The following SUGCT variants were observed in gnomAD, a reference collection of about 807,000 sequenced individuals.
The protein encoded by SUGCT is succinyl-CoA:glutarate CoA-transferase.
In SUGCT, 41 loss-of-function variants were observed where a neutral mutation model predicts 55.0. That is an observed-to-expected ratio of 0.74 (90% CI 0.58 to 0.97). The LOEUF is 0.97. Among genes scored for constraint, SUGCT ranks in the 50% least tolerant of loss-of-function variants. The pLI is 0.00. For missense variants in SUGCT, 568 were observed against 547.8 expected, an observed-to-expected ratio of 1.04 and a Z score of -0.37; for synonymous variants, 187 against 200.4, an observed-to-expected ratio of 0.93 and a Z score of 0.56.
intron 12 of SUGCT, among the ~76,000 whole-genome samples, chr7:40,577,414 A>ATT (rs879543359): frequency 6.9e-6 from 1 of 145,562 alleles, no homozygotes; most frequent in Non-Finnish European, 1.5e-5. Context: ...ATTTTCCTGG[A>ATT]TTTTTTTTTT....
the SUGCT span, among the ~76,000 whole-genome samples, chr7:40,872,082 G>A: frequency 6.6e-6 from 1 of 152,072 alleles, no homozygotes; most frequent in African/African-American, 2.4e-5. Context: ...GGGGATAGTG[G>A]GTACTGATAA....
At chr7:40,399,266 A>AAAAAAATGTTGGAAGGAAAGAAATT (rs1207346373) in intron 9 of SUGCT, among the ~76,000 whole-genome samples, 1 of 152,138 alleles carries the variant, frequency 6.6e-6, no homozygotes, top group Admixed American at 6.5e-5. Context: ...AAGCCAAGGA[A>AAAAAAATGTTGGAAGGAAAGAAATT]AAAAAATGTT....
the SUGCT span, among the ~76,000 whole-genome samples, chr7:41,017,000 C>T: frequency 6.6e-5 from 10 of 152,196 alleles, no homozygotes; most frequent in Admixed American, 1.3e-4. Context: ...AAGATCATTA[C>T]GCTTGAATGT....
At chr7:40,643,819 C>T (rs1319741083) in intron 12 of SUGCT, among the ~76,000 whole-genome samples, 1 of 152,210 alleles carries the variant, frequency 6.6e-6, no homozygotes, top group African/African-American at 2.4e-5. Context: ...CTGCCAGCCC[C>T]CTCCCAAAGG....
At chr7:40,680,885 C>T (rs1584263473) in intron 12 of SUGCT, among the ~76,000 whole-genome samples, 1 of 152,092 alleles carries the variant, frequency 6.6e-6, no homozygotes, top group African/African-American at 2.4e-5. Flanking sequence ...TGAGATGAAG[C>T]ACCATGTCCA....
At chr7:40,334,186 A>G (rs182747753) in intron 9 of SUGCT, among the ~76,000 whole-genome samples, 81 of 152,184 alleles carry the variant, frequency 5.3e-4, no homozygotes, top group African/African-American at 1.8e-3. Flanking sequence ...AGTCTTTGCT[A>G]TTGTGAATAG....
At chr7:40,484,546 A>G (rs190003685) in intron 11 of SUGCT, among the ~76,000 whole-genome samples, 87 of 152,272 alleles carry the variant, frequency 5.7e-4, no homozygotes, top group African/African-American at 2.0e-3. Context: ...AGTCTACCCT[A>G]CTGAATGAAC....
At chr7:40,254,453 A>G (rs936411119) in intron 7 of SUGCT, among the ~76,000 whole-genome samples, 5 of 152,122 alleles carry the variant, frequency 3.3e-5, no homozygotes, top group African/African-American at 1.2e-4. Flanking sequence ...GCTGGAGTGC[A>G]GTGGTGTGAT....
At chr7:40,245,997 G>C (rs1403508853) in intron 7 of SUGCT, among the ~76,000 whole-genome samples, 1 of 151,856 alleles carries the variant, frequency 6.6e-6, no homozygotes, top group Non-Finnish European at 1.5e-5. Context: ...ATCACGCTCA[G>C]CTAATTTTTG....
chr7:40,359,539 A>C (rs1179642730), intron 9 of SUGCT, among the ~76,000 whole-genome samples: 1 of 152,130 alleles, frequency 6.6e-6, no homozygotes. Context: ...ACTGGACCTG[A>C]CGTGGCAATA....
intron 11 of SUGCT, among the ~76,000 whole-genome samples, chr7:40,493,134 CATT>C (rs1456762307): frequency 6.6e-6 from 1 of 152,136 alleles, no homozygotes; most frequent in African/African-American, 2.4e-5. Context: ...CTGCTACAGT[CATT>C]ATGTGTTAGA....
At chr7:40,327,033 G>C (rs542766438) in intron 9 of SUGCT, among the ~76,000 whole-genome samples, 1 of 152,184 alleles carries the variant, frequency 6.6e-6, no homozygotes, top group Admixed American at 6.5e-5. Flanking sequence ...TGATAGCAAA[G>C]ACATTAGATT....
intron 6 of SUGCT, among the ~76,000 whole-genome samples, chr7:40,225,185 A>G (rs1788266467): frequency 6.6e-6 from 1 of 152,344 alleles, no homozygotes; most frequent in African/African-American, 2.4e-5. Flanking sequence ...ATACCAGTGT[A>G]AACATTTTTC....
At chr7:40,887,365 A>G in the SUGCT span, among the ~76,000 whole-genome samples, 1 of 152,236 alleles carries the variant, frequency 6.6e-6, no homozygotes, top group Non-Finnish European at 1.5e-5. Flanking sequence ...CTACTGTAGT[A>G]GTAAGAGCAA....
At chr7:40,256,758 G>A (rs1035150311) in intron 7 of SUGCT, among the ~76,000 whole-genome samples, 9 of 151,468 alleles carry the variant, frequency 5.9e-5, no homozygotes, top group African/African-American at 9.7e-5. Context: ...TTACTTTTTT[G>A]TCTGAGACAG....
downstream of SUGCT, among the ~76,000 whole-genome samples, chr7:40,862,580 A>G (rs1198459177): frequency 6.6e-6 from 1 of 152,132 alleles, no homozygotes; most frequent in Non-Finnish European, 1.5e-5. Flanking sequence ...GCACACTACT[A>G]ATATACCATA....
chr7:40,305,284 C>A (rs1487752542), intron 8 of SUGCT, among the ~76,000 whole-genome samples: 1 of 152,250 alleles, frequency 6.6e-6, no homozygotes, highest in Non-Finnish European at 1.5e-5. Flanking sequence ...TTGTACCTAA[C>A]TTTCCTCCTT....
At chr7:40,831,104 T>A (rs1792642511) in intron 13 of SUGCT, among the ~76,000 whole-genome samples, 1 of 152,124 alleles carries the variant, frequency 6.6e-6, no homozygotes, top group Non-Finnish European at 1.5e-5. Context: ...AGAAACAGAA[T>A]GTACCCCAGG....
intron 13 of SUGCT, among the ~76,000 whole-genome samples, chr7:40,785,658 A>G (rs1357782213): frequency 2.0e-5 from 3 of 152,208 alleles, no homozygotes; most frequent in Non-Finnish European, 4.4e-5. Context: ...TGTAGCATAT[A>G]AAGAAAAAAA....
Sources: allele counts gnomAD v4.1 joint callset (sites outside exome capture counted in the v4.1 genomes callset), GRCh38; gene constraint gnomAD v4.1.1; transcripts MANE v1.5; gene names NCBI Gene and HGNC (gene_info 2026-07-23, HGNC 2026-07-21).